Variants in WLS observed in about 807,000 individuals in gnomAD.
The protein encoded by WLS is protein wntless homolog.
A neutral mutation model predicts 62.8 loss-of-function variants in WLS; 23 were observed. That is an observed-to-expected ratio of 0.37 (90% confidence interval 0.26 to 0.52). The LOEUF is 0.52. Among genes scored for constraint, WLS ranks in the 20% least tolerant of loss-of-function variants. The pLI is 0.92. For synonymous variants in WLS, 246 were observed against 244.1 expected (o/e 1.01, Z -0.07); for missense variants, 615 against 697.3 (o/e 0.88, Z 1.33).
At chr1:68,148,831 A>T (rs898687163) in intron 6 of WLS, among the ~76,000 whole-genome samples, 171 bp from the exon 7 acceptor site, 2 of 152,150 alleles carry the variant, frequency 1.3e-5, no homozygotes, top group Non-Finnish European at 2.9e-5. Context: ...TCAGGAGCTC[A>T]TCTCTGTGGG....
intron 2 of WLS, among the ~76,000 whole-genome samples, chr1:68,169,899 C>T (rs964140778): frequency 1.3e-5 from 2 of 152,320 alleles, no homozygotes; most frequent in African/African-American, 4.8e-5. Context: ...ACTTCAAATA[C>T]AGCCCCTCTC....
intron 2 of WLS, among the ~76,000 whole-genome samples, chr1:68,175,200 T>G (rs918424231): frequency 6.6e-6 from 1 of 152,236 alleles, no homozygotes; most frequent in African/African-American, 2.4e-5. Context: ...TTAAAAGAAA[T>G]AAAACAATGA....
intron 11 of WLS, chr1:68,098,932 T>C (rs923461014): frequency 1.1e-6 from 1 of 946,662 alleles, no homozygotes; most frequent in African/African-American, 1.7e-5. Context: ...TGCAGATTTC[T>C]CCCTTGCCCA....
At position 68,126,094 on chromosome 1, in the gene WLS, G is replaced by A. The variant is rs1011741156; in HGVS notation, c.*132C>T. On this transcript the variant is annotated 3_prime_UTR_variant, in exon 12 of 12. Transcript: ENST00000262348. Reference sequence around the variant, plus strand: ...AGGCAAACTGACAAATGTCCATGCCGCTGGTCCAAGAAACCACAGCTAAGA... The same window carrying A: ...AGGCAAACTGACAAATGTCCATGCCACTGGTCCAAGAAACCACAGCTAAGA... 30 of 1,453,808 alleles carry A rather than the reference G, an allele frequency of 2.1e-5. No homozygotes were observed. The Admixed American group carries it at 2.6e-4, about 13-fold the overall frequency. 90.1% of individuals were successfully genotyped at this position (1,453,808 alleles called of 1,614,324 possible). A position where few individuals can be genotyped will look rare whatever the true frequency, so the allele number is the denominator to read the frequency against.
rs1361513934 is a variant in WLS, at chr1:68,216,048, A to G, written c.106+16146T>C. Among the ~76,000 whole-genome samples, 4 of 152,240 alleles carry G rather than the reference A, an allele frequency of 2.6e-5. No individual in the cohort carries two copies. In the South Asian group the frequency reaches 6.2e-4, roughly 24 times the overall value. On this transcript the variant is annotated intron_variant, in intron 1 of 11. Transcript: ENST00000262348. ...TTCATGGGAATGGCTTGCTACACAG[A>G]GGAGGGTGAAGAAGATGGACCACAA...
In WLS at chr1:68,133,101, G is replaced by T. The variant is rs1211026681; in HGVS notation, c.1516+4679C>A. Among the ~76,000 whole-genome samples the T allele has an allele frequency of 3.9e-5, 6 of 152,026 alleles. No homozygotes were observed. The East Asian group carries it at 1.2e-3, about 29-fold the overall frequency. The stretch of plus-strand genomic sequence containing the variant: ...CAGCAGCAGGGCAGAAAATATAAGT[G>T]TTCCTTGAAGGAAAGGTAACTAAAA... On this transcript the variant is annotated intron_variant, in intron 11 of 11. Transcript: ENST00000262348.
At chr1:68,146,827 AGCT>A (rs1248193471) in intron 8 of WLS, among the ~76,000 whole-genome samples, 1 of 152,108 alleles carries the variant, frequency 6.6e-6, no homozygotes, top group East Asian at 1.9e-4. Context: ...GGATAGCGTG[AGCT>A]GCCTTGGAAG....
At chr1:68,161,031 TC>T (rs1646964575) in intron 2 of WLS, among the ~76,000 whole-genome samples, 2 of 152,190 alleles carry the variant, frequency 1.3e-5, no homozygotes, top group African/African-American at 4.8e-5. Context: ...ACATTATTCT[TC>T]TTGAACCGTT....
chr1:68,153,428 C>A (rs779435729), intron 5 of WLS, 89 bp downstream of exon 5: 44 of 1,560,406 alleles, frequency 2.8e-5, no homozygotes, highest in Non-Finnish European at 3.8e-5. Flanking sequence ...CACACACTGG[C>A]TGCTTGAACT....
intron 11 of WLS, among the ~76,000 whole-genome samples, chr1:68,114,265 C>T (rs1191842215): frequency 6.6e-6 from 1 of 152,148 alleles, no homozygotes; most frequent in African/African-American, 2.4e-5. Flanking sequence ...TCGGAGACTG[C>T]CAGCTACTGG....
chr1:68,098,640 C>A, exon 12 of WLS: 1 of 1,613,614 alleles, frequency 6.2e-7, no homozygotes, highest in Non-Finnish European at 8.5e-7. Flanking sequence ...ACTCAAATAC[C>A]AGAAGCTGCG....
At chr1:68,145,794 G>GGTGT (rs1646745057) in intron 9 of WLS, 75 bp downstream of exon 9, 1 of 1,569,650 alleles carries the variant, frequency 6.4e-7, no homozygotes, top group Admixed American at 1.9e-5. Flanking sequence ...CTATCTCCAG[G>GGTGT]GTGTGTGTGT....
chr1:68,104,805 A>G (rs1646123314), intron 11 of WLS, among the ~76,000 whole-genome samples: 1 of 152,214 alleles, frequency 6.6e-6, no homozygotes, highest in Non-Finnish European at 1.5e-5. Context: ...CTGTAGCCCC[A>G]GCTACTCAGG....
At position 68,145,865 on chromosome 1, in the gene WLS, C is replaced by T; in HGVS notation, c.1278+4G>A. On this transcript the variant is annotated splice_donor_region_variant and intron_variant, in intron 9 of 11. Transcript: ENST00000262348. Reference sequence around the variant, plus strand: ...TTCCAGAACGAGCCAAGAAATCTGCCCACCTCATAGTGTAGCCGCCGGACT... The same window carrying T: ...TTCCAGAACGAGCCAAGAAATCTGCTCACCTCATAGTGTAGCCGCCGGACT... The T allele has an allele frequency of 1.9e-6, 3 of 1,613,778 alleles. No individual in the cohort carries two copies. The highest frequency in any genetic ancestry group is 1.1e-5 in the South Asian group (1 of 91,010).
At chr1:68,186,501 TAAA>T in intron 2 of WLS, 6 of 355,516 alleles carry the variant, frequency 1.7e-5, no homozygotes, top group East Asian at 8.0e-5. Flanking sequence ...CACGAAAAGT[TAAA>T]AAAAAAAAAA....
At chr1:68,131,666 T>C (rs1646527075) in intron 11 of WLS, among the ~76,000 whole-genome samples, 1 of 152,096 alleles carries the variant, frequency 6.6e-6, no homozygotes, top group South Asian at 2.1e-4. Flanking sequence ...AATCTTGGTG[T>C]TACAGGCTGA....
At position 68,126,289 on chromosome 1, in the gene WLS, A is replaced by G. The variant is rs1557458563; in HGVS notation, c.1563T>C (p.Thr521=). 6.2e-7 allele frequency: 1 copy of G among 1,614,034 alleles called. No individual in the cohort carries two copies. Among genetic ancestry groups the G allele is most frequent in the South Asian group, 1.1e-5 (1 of 91,056 alleles). The part of the protein sequence containing the change: ...HSGEELQLTT[T]ITHVDGPTEI... ...CAGTGGGTCCGTCCACATGGGTGAT[A>G]GTGGTGGTGAGCTGGAGTTCTTCCC... Residue 521 remains threonine (T), a synonymous_variant, in exon 12 of 12, where the codon ACT becomes ACC. Coordinates refer to ENST00000262348, the MANE Select transcript of WLS (RefSeq NM_024911.7).
chr1:68,148,578 A>G lies in WLS; in HGVS notation c.1055T>C (p.Phe352Ser), dbSNP rs1570892257. Residue 352 changes from phenylalanine to serine, a missense_variant, in exon 7 of 12, where the codon TTT becomes TCT. Transcript: ENST00000262348. ...ACTTGCTCACCTCTCACACATGTCA[A>G]ATATGAAGAGGCAGAAGGAGCCAAC... Reference protein sequence around the residue: ...IAVGSFCLFIFDMCERGVQLT... With the variant: ...IAVGSFCLFISDMCERGVQLT... 2 of 1,614,082 alleles carry G rather than the reference A, an allele frequency of 1.2e-6. No individual in the cohort carries two copies. Among genetic ancestry groups the G allele is most frequent in the Non-Finnish European group, 1.7e-6 (2 of 1,179,998 alleles).
intron 11 of WLS, among the ~76,000 whole-genome samples, chr1:68,119,425 T>C (rs929149952): frequency 1.3e-5 from 2 of 152,236 alleles, no homozygotes; most frequent in African/African-American, 4.8e-5. Flanking sequence ...TTTTTGAGAC[T>C]GGATTAAAAA....
Sources: gnomAD v4.1 joint callset for allele counts (sites outside exome capture counted in the v4.1 genomes callset) on GRCh38, gnomAD v4.1.1 for gene constraint, MANE v1.5 for transcripts, NCBI Gene and HGNC (gene_info 2026-07-23, HGNC 2026-07-21) for gene names.